Variants in ERCC5 observed in about 807,000 individuals in gnomAD.
ERCC5 encodes the protein ERCC excision repair 5, endonuclease, also known as DNA excision repair protein ERCC-5.
A neutral mutation model predicts 105.6 loss-of-function variants in ERCC5; 68 were observed. The observed-to-expected ratio is 0.64, with a 90% CI of 0.53 to 0.79. The LOEUF is 0.79. Ranked by LOEUF, ERCC5 falls within the 30% of genes least tolerant of loss-of-function variation. The probability of loss-of-function intolerance (pLI) is 0.00; values close to 1 mark genes in which losing one functional copy is unlikely to be tolerated. For missense variants in ERCC5, 1,373 were observed against 1,426.7 expected, an observed-to-expected ratio of 0.96 and a Z score of 0.61; for synonymous variants, 546 against 526.2, an observed-to-expected ratio of 1.04 and a Z score of -0.51.
At chr13:102,861,343 G>A (rs1021925401) in intron 6 of ERCC5, among the ~76,000 whole-genome samples, 164 bp from the exon 7 acceptor site, 2 of 152,010 alleles carry the variant, frequency 1.3e-5, no homozygotes, top group African/African-American at 4.8e-5. Context: ...TTTTTTAAAA[G>A]GAAGCTGTAG....
chr13:102,874,920 T>C (rs997346229), intron 14 of ERCC5: 1 of 203,554 alleles, frequency 4.9e-6, no homozygotes. Flanking sequence ...AGGTATTGTA[T>C]GATGATAATG....
At chr13:102,871,044 G>T (rs979928627) in intron 12 of ERCC5, among the ~76,000 whole-genome samples, 4 of 151,906 alleles carry the variant, frequency 2.6e-5, no homozygotes, top group African/African-American at 9.7e-5. Flanking sequence ...TCTGAAGCTC[G>T]CTCAGGCCTG....
At chr13:102,852,349 T>G in intron 2 of ERCC5, 56 bp downstream of exon 2, 1 of 1,591,364 alleles carries the variant, frequency 6.3e-7, no homozygotes, top group South Asian at 1.2e-5. Flanking sequence ...TTCTGCATTC[T>G]TAGAAAAATT....
At chr13:102,870,615 A>T (rs1883000246) in intron 12 of ERCC5, among the ~76,000 whole-genome samples, 2 of 152,254 alleles carry the variant, frequency 1.3e-5, no homozygotes, top group Admixed American at 6.5e-5. Flanking sequence ...CAAGTAAAGT[A>T]GAGGAGAATT....
At position 102,854,812 on chromosome 13, in the gene ERCC5, C is replaced by T. The variant is rs575027316; in HGVS notation, c.467+438C>T. 9.2e-5 allele frequency among the ~76,000 whole-genome samples: 14 copies of T among 152,258 alleles called. No homozygotes were observed. The South Asian group carries it at 1.9e-3, about 20-fold the overall frequency. On this transcript the variant is annotated intron_variant, in intron 4 of 14. Transcript: ENST00000652225. ...TGCTCGACTTCTCTGCACTAAACAC[C>T]ATGCCACACTGCCCCGCTCCCCCGG... is the stretch of plus-strand genomic sequence containing the variant.
At chr13:102,848,549 G>A (rs572871088) in intron 1 of ERCC5, among the ~76,000 whole-genome samples, 1 of 152,242 alleles carries the variant, frequency 6.6e-6, no homozygotes, top group African/African-American at 2.4e-5. Flanking sequence ...GTATACTAAT[G>A]GAGATTTTTA....
rs1882795524 is a variant in ERCC5 at position 102,865,412 on chromosome 13, A to G, written c.1955-255A>G. On this transcript the variant is annotated intron_variant, in intron 8 of 14. Transcript: ENST00000652225. This position sits in a 1 kb window ranked among gnomAD's most constrained non-coding sequence, Gnocchi z 4.0. ...GAACATATTTATATAAAGCGAATAT[A>G]CAAATCTTAAGAGAGTTTCCTACTT... 2.2e-6 allele frequency: 1 copy of G among 447,854 alleles called. No homozygotes were observed. Among genetic ancestry groups the G allele is most frequent in the Non-Finnish European group, 4.1e-6 (1 of 244,262 alleles). 27.7% of individuals were successfully genotyped at this position (447,854 alleles called of 1,614,324 possible).
intron 3 of ERCC5, 60 bp from the exon 4 acceptor site, chr13:102,854,228 C>T: frequency 1.9e-6 from 3 of 1,573,626 alleles, no homozygotes; most frequent in Non-Finnish European, 1.7e-6. Flanking sequence ...AGGTCAGGTC[C>T]CTGTTCACCA....
At chr13:102,850,079 C>A (rs958218247) in intron 1 of ERCC5, among the ~76,000 whole-genome samples, 3 of 152,076 alleles carry the variant, frequency 2.0e-5, no homozygotes, top group Admixed American at 6.5e-5. Flanking sequence ...GCACACGCCA[C>A]CATGCCTGGC....
intron 5 of ERCC5, among the ~76,000 whole-genome samples, chr13:102,857,817 T>G (rs939507715): frequency 6.6e-6 from 1 of 152,236 alleles, no homozygotes; most frequent in Admixed American, 6.5e-5. Flanking sequence ...ACACATCCTC[T>G]TTTTAGTGGG....
At chr13:102,858,770 G>C in intron 6 of ERCC5, 1 of 418,388 alleles carries the variant, frequency 2.4e-6, no homozygotes, top group South Asian at 1.8e-5. Context: ...CATGGTATGT[G>C]TCCAGTAGAT....
At chr13:102,858,462 C>G in intron 6 of ERCC5, 44 bp downstream of exon 6, 2 of 1,613,546 alleles carry the variant, frequency 1.2e-6, no homozygotes, top group African/African-American at 1.3e-5. Context: ...TTAAGAACTT[C>G]AGCAAAACTT....
intron 12 of ERCC5, among the ~76,000 whole-genome samples, chr13:102,869,692 A>G (rs1001157741): frequency 7.9e-5 from 12 of 152,082 alleles, no homozygotes; most frequent in African/African-American, 2.9e-4. Flanking sequence ...TGTTATTTCT[A>G]TTTTTAGAAA....
chr13:102,855,712 C>T (rs921590840), intron 4 of ERCC5, among the ~76,000 whole-genome samples: 1 of 152,198 alleles, frequency 6.6e-6, no homozygotes, highest in Non-Finnish European at 1.5e-5. Context: ...CTCCATGAAC[C>T]TTCCCGCTCC....
At position 102,862,477 on chromosome 13, in the gene ERCC5, C is replaced by G. The variant is rs56109743; in HGVS notation, c.1328C>G (p.Thr443Ser). Residue 443 changes from threonine (T) to serine (S), a missense_variant, in exon 8 of 15, where the codon ACT becomes AGT. By Grantham distance (58) the Thr-to-Ser change is moderately conservative. This residue lies in a region of ERCC5 where 1,004 missense variants were observed against 1,059.7 expected (regional missense o/e 0.95). Transcript: ENST00000652225. ...AGAGATGGAAAAGGAATACCGTTTA[C>G]TGCAACACTTGCGTCATCTAGTGTG... is the stretch of plus-strand genomic sequence containing the variant. ...KVRDGKGIPFTATLASSSVNS... is the reference protein window; with the variant it reads ...KVRDGKGIPFSATLASSSVNS... 9.7e-5 allele frequency: 156 copies of G among 1,614,070 alleles called. No individual in the cohort carries two copies. The African/African-American group carries it at 1.9e-3, about 20-fold the overall frequency.
chr13:102,875,250 T>A (rs1012019456), intron 14 of ERCC5, 57 bp from the exon 15 acceptor site: 15 of 1,576,224 alleles, frequency 9.5e-6, no homozygotes, highest in Non-Finnish European at 1.3e-5. Flanking sequence ...TGATTTGGTT[T>A]AGAAACTTGA....
rs4987063 is a variant in ERCC5 at position 102,854,340 on chromosome 13, G to A, written c.433G>A (p.Val145Ile). 1.2e-3 allele frequency: 1,899 copies of A among 1,614,106 alleles called. 28 individuals are homozygous for A. In the African/African-American group the frequency reaches 0.023, roughly 20 times the overall value. ...TQVRRENDLYVLPPLQEEEKH... is the reference protein window; with the variant it reads ...TQVRRENDLYILPPLQEEEKH... ...AGTTCGAAGAGAAAACGACCTCTAT[G>A]TTTTGCCTCCTTTACAAGAGGAAGA... The change falls in exon 4 of 15, where the codon GTT becomes ATT. Residue 145 changes from valine (V) to isoleucine (I), a missense_variant. Physicochemically the swap from Val to Ile is conservative, Grantham distance 29 (BLOSUM62 3). Transcript: ENST00000652225.
In ERCC5 at chr13:102,853,389, A is replaced by G. The variant is rs74540402; in HGVS notation, c.265-368A>G. ...CATGTAAGTAATGCATGTTTATAAA[A>G]AGCAATATTAGAAATTGTTTTTGGT... On this transcript the variant is annotated intron_variant, in intron 2 of 14. Transcript: ENST00000652225. Among the ~76,000 whole-genome samples, 259 of 152,364 alleles carry G rather than the reference A, an allele frequency of 1.7e-3. 1 individual carries two copies. The highest frequency in any genetic ancestry group is 2.1e-3 in the Non-Finnish European group (141 of 68,030).
In ERCC5 at chr13:102,868,253, T is replaced by G; in HGVS notation, c.2674T>G (p.Phe892Val). The change falls in exon 12 of 15, where the codon TTC (phenylalanine) becomes GTC (valine). Residue 892 changes from phenylalanine to valine, a missense_variant. Physicochemically the swap from Phe to Val is conservative, Grantham distance 50 (BLOSUM62 -1). This residue lies in a region of ERCC5 where 367 missense variants were observed against 350.2 expected (regional missense o/e 1.05). Transcript: ENST00000652225. Reference protein sequence around the residue: ...PGHGLEPLLKFSEWWHEAQKN... With the variant: ...PGHGLEPLLKVSEWWHEAQKN... The stretch of plus-strand genomic sequence containing the variant: ...GCATGGCCTGGAACCTCTCCTAAAA[T>G]TCTCGTAAGGTCTTTTATTTCTTTA... The G allele has an allele frequency of 6.2e-7, 1 of 1,614,186 alleles. No homozygotes were observed. Among genetic ancestry groups the G allele is most frequent in the Non-Finnish European group, 8.5e-7 (1 of 1,180,014 alleles).
Sources: allele counts gnomAD v4.1 joint callset (sites outside exome capture counted in the v4.1 genomes callset), GRCh38; gene constraint gnomAD v4.1.1; regional missense constraint gnomAD v4.1.1; non-coding constraint Gnocchi (gnomAD v3.1); transcripts MANE v1.5; gene names NCBI Gene and HGNC (gene_info 2026-07-23, HGNC 2026-07-21).